PDGFD: variants seen among roughly 807,000 people sequenced by gnomAD.
The protein encoded by PDGFD is platelet derived growth factor D.
A neutral mutation model predicts 44.7 loss-of-function variants in PDGFD; 30 were observed. The ratio of observed to expected loss-of-function variants is 0.67; its 90% CI spans 0.50 to 0.91. The LOEUF is 0.91. Among genes scored for constraint, PDGFD ranks in the 40% least tolerant of loss-of-function variants. The pLI is 0.00. For synonymous variants in PDGFD, 173 were observed against 168.4 expected (o/e 1.03, Z -0.21); for missense variants, 445 against 457.8 (o/e 0.97, Z 0.25).
intron 1 of PDGFD, among the ~76,000 whole-genome samples, chr11:104,106,726 C>T (rs1861476043): frequency 6.6e-6 from 1 of 151,246 alleles, no homozygotes; most frequent in Non-Finnish European, 1.5e-5. Flanking sequence ...TCCTCAGTGA[C>T]CCACGCCTTT....
chr11:104,043,371 G>T (rs948149668), intron 1 of PDGFD, among the ~76,000 whole-genome samples: 1 of 152,198 alleles, frequency 6.6e-6, no homozygotes, highest in Non-Finnish European at 1.5e-5. Flanking sequence ...CCGCCTAGAA[G>T]ATAAGTCTTC....
In PDGFD at chr11:103,909,210, A is replaced by G. The variant is rs150835984; in HGVS notation, c.*484T>C. 1 of 152,914 alleles carries G rather than the reference A, an allele frequency of 6.5e-6. No homozygotes were observed. The highest frequency in any genetic ancestry group is 2.4e-5 in the African/African-American group (1 of 41,572). 9.5% of individuals were successfully genotyped at this position (152,914 alleles called of 1,614,324 possible). ...CCTCATCTTTTGATTTTTAATATAC[A>G]AGATGCTTTCTTTAAGAGAGCAAGA... is the stretch of plus-strand genomic sequence containing the variant. On this transcript the variant is annotated 3_prime_UTR_variant, in exon 7 of 7. Transcript: ENST00000393158.
chr11:103,946,015 A>G (rs1407897481), intron 4 of PDGFD: 8 of 152,236 alleles, frequency 5.3e-5, no homozygotes, highest in Non-Finnish European at 7.3e-5. Flanking sequence ...TTTTAAAACT[A>G]TTTTTGAGAA....
Position 103,909,669 on chromosome 11 carries a change from T to A in PDGFD, c.*25A>T. 1 of 1,613,714 alleles carries A rather than the reference T, an allele frequency of 6.2e-7. No homozygotes were observed. The highest frequency in any genetic ancestry group is 8.5e-7 in the Non-Finnish European group (1 of 1,179,628). ...CCTTAAACTAAAGGTTCTTTCAGGCTTAATGTAAGGATGTGCACATTCTCT... is the reference window on the plus strand; with the variant it reads ...CCTTAAACTAAAGGTTCTTTCAGGCATAATGTAAGGATGTGCACATTCTCT... On this transcript the variant is annotated 3_prime_UTR_variant, in exon 7 of 7. Transcript: ENST00000393158.
chr11:103,978,545 T>G (rs1267639433), intron 3 of PDGFD, among the ~76,000 whole-genome samples: 1 of 152,032 alleles, frequency 6.6e-6, no homozygotes, highest in Non-Finnish European at 1.5e-5. Flanking sequence ...ACTGAGTTTT[T>G]TTTAATGGAA....
intron 6 of PDGFD, among the ~76,000 whole-genome samples, chr11:103,918,725 T>C (rs1428051829): frequency 6.6e-6 from 1 of 152,116 alleles, no homozygotes; most frequent in Non-Finnish European, 1.5e-5. Flanking sequence ...TTGAACAAAG[T>C]GGAAATTGGA....
In PDGFD at chr11:103,909,439, TG is replaced by T; in HGVS notation, c.*254del. 1 of 423,372 alleles carries T rather than the reference TG, an allele frequency of 2.4e-6. No homozygotes were observed. The highest frequency in any genetic ancestry group is 4.3e-6 in the Non-Finnish European group (1 of 231,004). The allele number at this position is 423,372 out of a possible 1,614,324, so 26.2% of individuals were successfully genotyped here. On this transcript the variant is annotated 3_prime_UTR_variant, in exon 7 of 7. Coordinates refer to ENST00000393158, the MANE Select transcript of PDGFD (RefSeq NM_025208.5). ...ATACACATAGACATGAATATATTTC[TG>T]TGTGTGTTTGTGCATATATAACCTC... is the stretch of plus-strand genomic sequence containing the variant.
intron 6 of PDGFD, among the ~76,000 whole-genome samples, chr11:103,916,303 A>G (rs1408743116): frequency 1.4e-5 from 2 of 145,974 alleles, no homozygotes; most frequent in Non-Finnish European, 3.0e-5. Context: ...TTCTCAAAAG[A>G]AGACATTTAT....
At chr11:104,045,677 TAAGAGAATA>T in intron 1 of PDGFD, among the ~76,000 whole-genome samples, 1 of 148,360 alleles carries the variant, frequency 6.7e-6, no homozygotes, top group South Asian at 2.3e-4. Context: ...TTGAGTTTTT[TAAGAGAATA>T]TTTGAACAAA....
At chr11:103,949,066 G>C (rs1049110585) in intron 3 of PDGFD, among the ~76,000 whole-genome samples, 2 of 137,430 alleles carry the variant, frequency 1.5e-5, no homozygotes, top group East Asian at 2.1e-4. Context: ...GCAGTGGCGT[G>C]ATCTTGGCTT....
At chr11:104,160,187 C>A (rs1862369783) in intron 1 of PDGFD, among the ~76,000 whole-genome samples, 1 of 152,102 alleles carries the variant, frequency 6.6e-6, no homozygotes, top group Non-Finnish European at 1.5e-5. Context: ...TCTAAGGCAG[C>A]ACAATTACTA....
At chr11:104,111,626 G>A (rs763295614) in intron 1 of PDGFD, among the ~76,000 whole-genome samples, 10 of 151,932 alleles carry the variant, frequency 6.6e-5, no homozygotes, top group Admixed American at 2.6e-4. Flanking sequence ...GGACAACTTA[G>A]GCAATATTTC....
intron 1 of PDGFD, chr11:104,036,881 A>G (rs1430243804): frequency 6.2e-7 from 1 of 1,614,042 alleles, no homozygotes; most frequent in Non-Finnish European, 8.5e-7. Context: ...TTCTCTCTCC[A>G]GGTCAGCCCC....
intron 5 of PDGFD, among the ~76,000 whole-genome samples, chr11:103,930,214 C>T (rs889928866): frequency 6.6e-6 from 1 of 152,168 alleles, no homozygotes; most frequent in South Asian, 2.1e-4. Flanking sequence ...TTTGGACATA[C>T]TGGTAAAGTG....
At chr11:104,128,296 G>A (rs553040488) in intron 1 of PDGFD, among the ~76,000 whole-genome samples, 1 of 152,132 alleles carries the variant, frequency 6.6e-6, no homozygotes, top group Non-Finnish European at 1.5e-5. Context: ...TTAAAAGCTG[G>A]TGTGCATAAA....
intron 5 of PDGFD, among the ~76,000 whole-genome samples, chr11:103,931,280 T>C (rs551978048): frequency 8.5e-5 from 13 of 152,342 alleles, no homozygotes; most frequent in African/African-American, 2.9e-4. Context: ...TAAAGGTAAG[T>C]CTGTTTTTGT....
intron 1 of PDGFD, among the ~76,000 whole-genome samples, chr11:104,109,333 A>T (rs1330185731): frequency 6.6e-6 from 1 of 152,148 alleles, no homozygotes; most frequent in South Asian, 2.1e-4. Context: ...TACTTTTCTA[A>T]GCCTCAGTCT....
intron 1 of PDGFD, among the ~76,000 whole-genome samples, chr11:104,062,968 A>G (rs140066774): frequency 0.011 from 1,681 of 152,276 alleles, 17 homozygotes; most frequent in African/African-American, 0.037. Context: ...AATAAAACAA[A>G]AAATCCTCTA....
rs767632980 is a variant in PDGFD at position 104,163,785 on chromosome 11, A to C, written c.124+19T>G. 7.3e-6 allele frequency: 11 copies of C among 1,509,272 alleles called. No individual in the cohort carries two copies. The Admixed American group carries it at 1.7e-4, about 23-fold the overall frequency. 93.5% of individuals were successfully genotyped at this position (1,509,272 alleles called of 1,614,324 possible). ...AACATGATTTTTTTTTCAGTTAAAA[A>C]ATAAAATGAGTCTCTTACCATCTCG... On this transcript the variant is annotated intron_variant, in intron 1 of 6. Coordinates refer to ENST00000393158, the MANE Select transcript of PDGFD (RefSeq NM_025208.5).
Sources: allele counts gnomAD v4.1 joint callset (sites outside exome capture counted in the v4.1 genomes callset), GRCh38; gene constraint gnomAD v4.1.1; transcripts MANE v1.5; gene names NCBI Gene and HGNC (gene_info 2026-07-23, HGNC 2026-07-21).